Variants in ARHGAP22 observed in about 807,000 individuals in gnomAD.
ARHGAP22 encodes Rho GTPase activating protein 22.
In ARHGAP22, 48 loss-of-function variants were observed where a neutral mutation model predicts 59.1. The observed-to-expected ratio is 0.81, with a 90% confidence interval of 0.64 to 1.03. The LOEUF (loss-of-function observed/expected upper bound fraction) is 1.03. Ranked by LOEUF, ARHGAP22 falls within the 50% of genes least tolerant of loss-of-function variation. ARHGAP22 has a pLI of 0.00. For synonymous variants in ARHGAP22, 445 were observed against 416.4 expected, an observed-to-expected ratio of 1.07 and a Z score of -0.84; for missense variants, 1,015 against 958.7, an observed-to-expected ratio of 1.06 and a Z score of -0.78.
At chr10:48,523,770 C>T (rs954721185) in intron 3 of ARHGAP22, among the ~76,000 whole-genome samples, 3 of 152,074 alleles carry the variant, frequency 2.0e-5, no homozygotes, top group Admixed American at 2.0e-4. Flanking sequence ...GGAGGGCGGA[C>T]CCTCCCCTCC....
intron 1 of ARHGAP22, among the ~76,000 whole-genome samples, chr10:48,641,283 A>G (rs1045860324): frequency 1.3e-5 from 2 of 152,322 alleles, no homozygotes; most frequent in African/African-American, 4.8e-5. Context: ...TAAATACCTC[A>G]ATCAAAATAC....
intron 3 of ARHGAP22, among the ~76,000 whole-genome samples, chr10:48,506,006 A>T (rs1300629455): frequency 6.6e-6 from 1 of 152,062 alleles, no homozygotes; most frequent in Admixed American, 6.6e-5. Context: ...AAACTTCCCT[A>T]ATTTGATTTG....
downstream of ARHGAP22, among the ~76,000 whole-genome samples, chr10:48,443,001 G>A (rs1200772969): frequency 1.3e-5 from 2 of 152,132 alleles, no homozygotes; most frequent in Non-Finnish European, 1.5e-5. Context: ...CTGGGCAGGC[G>A]GGCTCTGGAG....
chr10:48,528,460 A>T (rs1433333005), intron 3 of ARHGAP22, among the ~76,000 whole-genome samples: 2 of 152,086 alleles, frequency 1.3e-5, no homozygotes, highest in African/African-American at 4.8e-5. Context: ...GGGGGATAGG[A>T]GGTTGCCCCG....
At chr10:48,627,443 A>G (rs2061490753) in intron 1 of ARHGAP22, among the ~76,000 whole-genome samples, 1 of 152,210 alleles carries the variant, frequency 6.6e-6, no homozygotes, top group Non-Finnish European at 1.5e-5. Context: ...GAACTGTTGG[A>G]CACCCAGCTG....
chr10:48,655,264 G>GGT (rs2062773015), upstream of ARHGAP22, among the ~76,000 whole-genome samples: 1 of 137,910 alleles, frequency 7.3e-6, no homozygotes, highest in African/African-American at 2.7e-5. Context: ...TGTGGGGGGG[G>GGT]GGGGGGGCGG....
chr10:48,646,401 A>G (rs1000818143), intron 1 of ARHGAP22, among the ~76,000 whole-genome samples: 1 of 152,238 alleles, frequency 6.6e-6, no homozygotes, highest in Non-Finnish European at 1.5e-5. Flanking sequence ...TTGTAAAAGA[A>G]TAAAGTTACA....
chr10:48,474,801 G>A (rs897129395), intron 4 of ARHGAP22, among the ~76,000 whole-genome samples: 10 of 152,084 alleles, frequency 6.6e-5, no homozygotes, highest in African/African-American at 2.2e-4. Flanking sequence ...TCTTAGAGAC[G>A]ATAAATCTCA....
chr10:48,584,457 T>C (rs2059300891), intron 1 of ARHGAP22, among the ~76,000 whole-genome samples: 1 of 152,186 alleles, frequency 6.6e-6, no homozygotes. Context: ...CTCCAAATAG[T>C]CACTCCCTCC....
At chr10:48,458,130 C>A (rs970526525) in intron 5 of ARHGAP22, among the ~76,000 whole-genome samples, 1 of 152,034 alleles carries the variant, frequency 6.6e-6, no homozygotes, top group Admixed American at 6.5e-5. Flanking sequence ...GCCACCGTGG[C>A]AGTATGGGGG....
the ARHGAP22 span, among the ~76,000 whole-genome samples, chr10:48,434,413 T>G: frequency 6.6e-6 from 1 of 152,236 alleles, no homozygotes; most frequent in African/African-American, 2.4e-5. Flanking sequence ...TTTGAATCAT[T>G]TGAATTTTTC....
chr10:48,571,317 A>C (rs180980929), intron 2 of ARHGAP22, among the ~76,000 whole-genome samples: 1 of 152,316 alleles, frequency 6.6e-6, no homozygotes, highest in African/African-American at 2.4e-5. Flanking sequence ...TGTTCATATA[A>C]GGATTCAGAG....
At chr10:48,589,031 GT>G (rs2059598364) in intron 1 of ARHGAP22, among the ~76,000 whole-genome samples, 1 of 152,148 alleles carries the variant, frequency 6.6e-6, no homozygotes, top group African/African-American at 2.4e-5. Flanking sequence ...ATGACTGCGT[GT>G]GCCGAGGGGC....
chr10:48,452,639 GC>G (rs1233821802), intron 8 of ARHGAP22, among the ~76,000 whole-genome samples: 1 of 152,210 alleles, frequency 6.6e-6, no homozygotes, highest in Non-Finnish European at 1.5e-5. Context: ...TGTTCCATGG[GC>G]CCTATGAGGT....
At chr10:48,494,248 G>C (rs1564763015) in intron 3 of ARHGAP22, among the ~76,000 whole-genome samples, 1 of 152,214 alleles carries the variant, frequency 6.6e-6, no homozygotes, top group East Asian at 1.9e-4. Flanking sequence ...GGCACAGCCA[G>C]GATTTGAACT....
At chr10:48,612,410 G>C (rs749064724) in intron 1 of ARHGAP22, among the ~76,000 whole-genome samples, 37 of 152,216 alleles carry the variant, frequency 2.4e-4, no homozygotes, top group Non-Finnish European at 4.0e-4. Context: ...CTGAGGCTCA[G>C]CTGAGCAGAT....
chr10:48,595,118 A>G (rs2059989592), intron 1 of ARHGAP22, among the ~76,000 whole-genome samples: 1 of 152,132 alleles, frequency 6.6e-6, no homozygotes, highest in African/African-American at 2.4e-5. Context: ...TGGGCCAGGG[A>G]TGTTTCCTAT....
chr10:48,625,693 T>TAC (rs56897057), intron 1 of ARHGAP22, among the ~76,000 whole-genome samples: 26,005 of 138,710 alleles, frequency 0.19, 2,470 homozygotes, highest in Middle Eastern at 0.23. Flanking sequence ...CTGCAACGTG[T>TAC]ACACACACAC....
At chr10:48,499,110 G>A (rs544891284) in intron 3 of ARHGAP22, among the ~76,000 whole-genome samples, 2 of 152,342 alleles carry the variant, frequency 1.3e-5, no homozygotes, top group Non-Finnish European at 2.9e-5. Context: ...GGGGCAGGGG[G>A]AGGCCATGTC....
Sources: gnomAD v4.1 joint callset for allele counts (sites outside exome capture counted in the v4.1 genomes callset) on GRCh38, gnomAD v4.1.1 for gene constraint, MANE v1.5 for transcripts, NCBI Gene and HGNC (gene_info 2026-07-23, HGNC 2026-07-21) for gene names.